Variants in KCNIP4 observed in about 807,000 individuals in gnomAD.
The protein encoded by KCNIP4 is Kv channel-interacting protein 4.
In KCNIP4, 12 loss-of-function variants were observed where a neutral mutation model predicts 34.0. The observed-to-expected ratio is 0.35, with a 90% CI of 0.23 to 0.57. KCNIP4 has a LOEUF of 0.57. KCNIP4 is among the 20% of genes least tolerant of loss of function. KCNIP4 has a pLI of 0.83. For missense variants in KCNIP4, 238 were observed against 311.7 expected, an observed-to-expected ratio of 0.76 and a Z score of 1.78; for synonymous variants, 124 against 102.2, an observed-to-expected ratio of 1.21 and a Z score of -1.29.
intron 1 of KCNIP4, among the ~76,000 whole-genome samples, chr4:21,587,106 C>T (rs769602346): frequency 2.4e-4 from 37 of 152,024 alleles, no homozygotes; most frequent in Non-Finnish European, 5.1e-4. Flanking sequence ...TCAACACCAA[C>T]TAGAGATGGC....
intron 1 of KCNIP4, among the ~76,000 whole-genome samples, chr4:21,166,545 G>A (rs529857354): frequency 3.9e-5 from 6 of 152,128 alleles, no homozygotes; most frequent in Admixed American, 2.0e-4. Context: ...TTACTCAAGA[G>A]AACAGAAAGC....
intron 3 of KCNIP4, among the ~76,000 whole-genome samples, chr4:20,763,722 G>C (rs986521930): frequency 2.6e-5 from 4 of 151,992 alleles, no homozygotes; most frequent in African/African-American, 9.7e-5. Context: ...TTTATTTATT[G>C]ATTTTTATTT....
intron 1 of KCNIP4, among the ~76,000 whole-genome samples, chr4:21,396,358 C>T (rs1289464850): frequency 2.6e-5 from 4 of 151,556 alleles, no homozygotes; most frequent in African/African-American, 9.7e-5. Context: ...GAGTTTGAGA[C>T]CAGCCTGGCC....
At chr4:21,746,542 GATT>G (rs1316603758) in intron 1 of KCNIP4, among the ~76,000 whole-genome samples, 1 of 150,664 alleles carries the variant, frequency 6.6e-6, no homozygotes, top group Non-Finnish European at 1.5e-5. Context: ...TATTAATCAA[GATT>G]ATAAAAAATA....
At chr4:20,906,830 G>A (rs1190221417) in intron 1 of KCNIP4, among the ~76,000 whole-genome samples, 1 of 152,176 alleles carries the variant, frequency 6.6e-6, no homozygotes, top group Non-Finnish European at 1.5e-5. Context: ...GAATGAAGAA[G>A]GATAATTTAA....
At chr4:21,812,117 C>T (rs944550538) in intron 1 of KCNIP4, among the ~76,000 whole-genome samples, 1 of 152,096 alleles carries the variant, frequency 6.6e-6, no homozygotes. Context: ...AACTATTTTC[C>T]AGAAAATAAA....
chr4:21,303,974 G>T, intron 1 of KCNIP4: 1 of 1,474,702 alleles, frequency 6.8e-7, no homozygotes, highest in East Asian at 3.0e-5. Flanking sequence ...TCTTTGTAAA[G>T]CCATTAAACT....
At chr4:21,054,434 G>T (rs549022075) in intron 1 of KCNIP4, among the ~76,000 whole-genome samples, 1 of 151,408 alleles carries the variant, frequency 6.6e-6, no homozygotes, top group Admixed American at 6.6e-5. Flanking sequence ...CAAGAGAATC[G>T]CATGAACCTG....
At chr4:20,922,901 C>T (rs1245568910) in intron 1 of KCNIP4, among the ~76,000 whole-genome samples, 1 of 152,128 alleles carries the variant, frequency 6.6e-6, no homozygotes, top group Non-Finnish European at 1.5e-5. Context: ...ATCCCCTCCA[C>T]TGTCTCTAAA....
rs1428251537 is a variant in KCNIP4, at chr4:21,058,324, C to A, written c.62-175615G>T. On this transcript the variant is annotated intron_variant, in intron 1 of 8. Transcript: ENST00000382152. ...GAAGGACATATATCATCATTTATCT[C>A]TGCTCCATCTCTCCATTTATTCTGC... Among the ~76,000 whole-genome samples the A allele has an allele frequency of 2.0e-5, 3 of 152,238 alleles. No homozygotes were observed. The East Asian group carries it at 5.8e-4, about 29-fold the overall frequency.
At chr4:21,257,785 A>C (rs1413695251) in intron 1 of KCNIP4, among the ~76,000 whole-genome samples, 2 of 151,780 alleles carry the variant, frequency 1.3e-5, no homozygotes, top group Non-Finnish European at 2.9e-5. Context: ...AAAAAGAAAC[A>C]CCAGGAGATG....
intron 1 of KCNIP4, among the ~76,000 whole-genome samples, chr4:21,183,337 T>C (rs540536899): frequency 6.6e-6 from 1 of 152,188 alleles, no homozygotes; most frequent in South Asian, 2.1e-4. Flanking sequence ...CAATTTATTT[T>C]TTTTCCTTTG....
intron 1 of KCNIP4, among the ~76,000 whole-genome samples, chr4:21,199,307 A>C (rs1024176515): frequency 2.6e-5 from 4 of 152,106 alleles, no homozygotes; most frequent in African/African-American, 9.7e-5. Context: ...TTTGATTTGC[A>C]TTTCTCTGAT....
chr4:20,806,155 G>C (rs1715056305), intron 3 of KCNIP4, among the ~76,000 whole-genome samples: 1 of 151,908 alleles, frequency 6.6e-6, no homozygotes, highest in Non-Finnish European at 1.5e-5. Context: ...TTAAAAATGA[G>C]TTTCTTTATT....
chr4:21,841,136 A>T (rs569167868), intron 1 of KCNIP4, among the ~76,000 whole-genome samples: 3 of 152,238 alleles, frequency 2.0e-5, no homozygotes, highest in Admixed American at 2.0e-4. Context: ...ATCCTTGAAA[A>T]CTTTTAGGAA....
chr4:21,526,454 T>C (rs1186681750), intron 1 of KCNIP4, among the ~76,000 whole-genome samples: 1 of 152,118 alleles, frequency 6.6e-6, no homozygotes, highest in Non-Finnish European at 1.5e-5. Context: ...ATGTCTTGAT[T>C]AGCAGCATGG....
intron 1 of KCNIP4, among the ~76,000 whole-genome samples, chr4:21,370,832 TATATATATATATATATATAC>T (rs1239533679): frequency 1.9e-4 from 6 of 32,264 alleles, no homozygotes; most frequent in South Asian, 1.9e-3. Flanking sequence ...TATATATATA[TATATATATATATATATATAC>T]ACACACACAC....
chr4:20,967,787 G>T (rs937263030), intron 1 of KCNIP4, among the ~76,000 whole-genome samples: 1 of 152,066 alleles, frequency 6.6e-6, no homozygotes, highest in East Asian at 1.9e-4. Context: ...ACTCAAGATG[G>T]ATTAAAGACT....
At chr4:21,533,921 T>A (rs953939916) in intron 1 of KCNIP4, among the ~76,000 whole-genome samples, 2 of 152,134 alleles carry the variant, frequency 1.3e-5, no homozygotes, top group Non-Finnish European at 2.9e-5. Flanking sequence ...ATGGTTCCTG[T>A]AGAAAGCTTT....
Sources: allele counts gnomAD v4.1 joint callset (sites outside exome capture counted in the v4.1 genomes callset), GRCh38; gene constraint gnomAD v4.1.1; transcripts MANE v1.5; gene names NCBI Gene and HGNC (gene_info 2026-07-23, HGNC 2026-07-21).